GSTO2: variants seen among roughly 807,000 people sequenced by gnomAD.
The protein encoded by GSTO2 is glutathione S-transferase omega 2.
GSTO2 carries 23 observed loss-of-function variants against 28.4 expected under a neutral mutation model. The observed-to-expected ratio is 0.81, with a 90% CI of 0.58 to 1.15. GSTO2 has a LOEUF of 1.15. GSTO2 is among the 50% of genes most tolerant of loss of function. The pLI, the probability that GSTO2 is intolerant of heterozygous loss-of-function variation, is 0.00. For synonymous variants in GSTO2, 109 were observed against 111.0 expected, an observed-to-expected ratio of 0.98 and a Z score of 0.11; for missense variants, 298 against 297.8, an observed-to-expected ratio of 1.00 and a Z score of 0.00.
At position 104,299,176 on chromosome 10, in the gene GSTO2, G is replaced by A. The variant is rs938478531; in HGVS notation, c.624G>A (p.Lys208=). 6.2e-7 allele frequency: 1 copy of A among 1,614,222 alleles called. No individual in the cohort carries two copies. Among genetic ancestry groups the A allele is most frequent in the South Asian group, 1.1e-5 (1 of 91,092 alleles). Residue 208 remains lysine, a synonymous_variant, in exon 7 of 7, where the codon AAG becomes AAA. Coordinates refer to ENST00000338595, the MANE Select transcript of GSTO2 (RefSeq NM_183239.2). ...PALRLWISAM[K]WDPTVCALLM... ...TGCGGCTCTGGATATCAGCCATGAA[G>A]TGGGACCCCACAGTCTGTGCTCTTC...
In GSTO2 at chr10:104,274,705, A is replaced by T; in HGVS notation, c.-211A>T. ...GCCAGCTCCTACTCTCGGGCTTCCA[A>T]ATCTGGGGCGATGTCTCCCCAGGTT... is the stretch of plus-strand genomic sequence containing the variant. On this transcript the variant is annotated 5_prime_UTR_variant, in exon 2 of 7. Coordinates refer to ENST00000338595, the MANE Select transcript of GSTO2 (RefSeq NM_183239.2). 1.7e-6 allele frequency: 1 copy of T among 604,852 alleles called. No homozygotes were observed. The highest frequency in any genetic ancestry group is 2.9e-6 in the Non-Finnish European group (1 of 348,568). The allele number at this position is 604,852 out of a possible 1,614,324, so 37.5% of individuals were successfully genotyped here.
intron 5 of GSTO2, among the ~76,000 whole-genome samples, chr10:104,281,838 C>T (rs1022977723): frequency 7.2e-5 from 11 of 152,104 alleles, no homozygotes; most frequent in African/African-American, 2.7e-4. Flanking sequence ...AGGCTGGAGA[C>T]ATGCATACAA....
In GSTO2 at chr10:104,299,337, T is replaced by G. The variant is rs1348460091; in HGVS notation, c.*53T>G. On this transcript the variant is annotated 3_prime_UTR_variant, in exon 7 of 7. Transcript: ENST00000338595. ...AGAATTCCCCAGCTTGTTGGGAGTC[T>G]ACGTCACGGCTTGTCTTGGGAACCA... 51 of 1,592,794 alleles carry G rather than the reference T, an allele frequency of 3.2e-5. No homozygotes were observed. Among genetic ancestry groups the G allele is most frequent in the Non-Finnish European group, 4.4e-5 (51 of 1,166,406 alleles).
intron 5 of GSTO2, among the ~76,000 whole-genome samples, chr10:104,293,563 A>AT (rs397787244): frequency 0.079 from 6,444 of 81,614 alleles, 797 homozygotes; most frequent in African/African-American, 0.16. Flanking sequence ...CGCCTGGCCA[A>AT]TTTTTTTTTT....
chr10:104,290,889 C>T (rs142029077), intron 5 of GSTO2, among the ~76,000 whole-genome samples: 86 of 152,264 alleles, frequency 5.6e-4, no homozygotes, highest in African/African-American at 2.0e-3. Context: ...ATAACTTAAA[C>T]AGTGTAATTG....
chr10:104,274,830 A>C lies in GSTO2; in HGVS notation c.-86A>C. On this transcript the variant is annotated 5_prime_UTR_variant, in exon 2 of 7. Transcript: ENST00000338595. Reference sequence around the variant, plus strand: ...GGGCAAGGGGTGCGCGCCAGAGCGCAGCTGTTTCTGGAGCCTGCGGCAGCG... The same window carrying C: ...GGGCAAGGGGTGCGCGCCAGAGCGCCGCTGTTTCTGGAGCCTGCGGCAGCG... 3 of 1,502,408 alleles carry C rather than the reference A, an allele frequency of 2.0e-6. No homozygotes were observed. Among genetic ancestry groups the C allele is most frequent in the Non-Finnish European group, 2.7e-6 (3 of 1,098,008 alleles). 93.1% of individuals were successfully genotyped at this position (1,502,408 alleles called of 1,614,324 possible).
intron 5 of GSTO2, among the ~76,000 whole-genome samples, chr10:104,280,172 A>C (rs1325951668): frequency 6.8e-6 from 1 of 147,968 alleles, no homozygotes; most frequent in Admixed American, 7.2e-5. Flanking sequence ...TGACAAAAAA[A>C]AAAAAAAAAA....
chr10:104,300,660 T>C lies in GSTO2; in HGVS notation c.*1376T>C, dbSNP rs1235993318. On this transcript the variant is annotated 3_prime_UTR_variant, in exon 7 of 7. Coordinates refer to ENST00000338595, the MANE Select transcript of GSTO2 (RefSeq NM_183239.2). ...TGGGAGGGGGACCAAGTTTGTCCAATGCTGTTTCATCTCAGTGTCTGAGGA... is the reference window on the plus strand; with the variant it reads ...TGGGAGGGGGACCAAGTTTGTCCAACGCTGTTTCATCTCAGTGTCTGAGGA... 6.6e-6 allele frequency: 1 copy of C among 152,308 alleles called. No individual in the cohort carries two copies. The highest frequency in any genetic ancestry group is 1.5e-5 in the Non-Finnish European group (1 of 68,092). 9.4% of individuals were successfully genotyped at this position (152,308 alleles called of 1,614,324 possible). A position where few individuals can be genotyped will look rare whatever the true frequency, so the allele number is the denominator to read the frequency against.
chr10:104,271,481 G>A (rs1442424329), intron 1 of GSTO2, among the ~76,000 whole-genome samples: 1 of 152,192 alleles, frequency 6.6e-6, no homozygotes, highest in African/African-American at 2.4e-5. Flanking sequence ...TCATAAAGTA[G>A]GTATTATTGG....
intron 1 of GSTO2, among the ~76,000 whole-genome samples, chr10:104,271,697 G>C (rs971004585): frequency 3.9e-5 from 6 of 152,176 alleles, no homozygotes; most frequent in Admixed American, 2.0e-4. Flanking sequence ...TTCAGAACTT[G>C]ATTTCCCACA....
At chr10:104,290,380 C>T (rs539047986) in intron 5 of GSTO2, among the ~76,000 whole-genome samples, 2 of 152,088 alleles carry the variant, frequency 1.3e-5, no homozygotes, top group South Asian at 4.1e-4. Flanking sequence ...TAGTGCATGC[C>T]TGGAATCCCA....
intron 5 of GSTO2, among the ~76,000 whole-genome samples, chr10:104,280,514 T>C (rs998165741): frequency 6.6e-6 from 1 of 152,194 alleles, no homozygotes; most frequent in African/African-American, 2.4e-5. Context: ...TAGAGAAAGC[T>C]GGGAAATACA....
chr10:104,295,457 A>G (rs1405993692), intron 5 of GSTO2: 1 of 152,256 alleles, frequency 6.6e-6, no homozygotes, highest in Non-Finnish European at 1.5e-5. Flanking sequence ...CCTTTCTATC[A>G]GGGATGGATT....
intron 5 of GSTO2, among the ~76,000 whole-genome samples, chr10:104,285,512 C>T (rs2012371824): frequency 6.6e-6 from 1 of 152,308 alleles, no homozygotes; most frequent in South Asian, 2.1e-4. Context: ...TGCAGTGACA[C>T]AATCACGGCT....
In GSTO2 at chr10:104,303,539, G is replaced by T. The variant is rs187035718; in HGVS notation, c.*4255G>T. ...ACCTATGCTCATATTTGTGAGCAAA[G>T]AAATTATGTTAAGTTGGAACTTATA... On this transcript the variant is annotated 3_prime_UTR_variant, in exon 7 of 7. Transcript: ENST00000338595. 6.6e-6 allele frequency: 1 copy of T among 152,180 alleles called. No homozygotes were observed. Among genetic ancestry groups the T allele is most frequent in the Non-Finnish European group, 1.5e-5 (1 of 68,036 alleles). The allele number at this position is 152,180 out of a possible 1,614,324, so 9.4% of individuals were successfully genotyped here.
intron 5 of GSTO2, among the ~76,000 whole-genome samples, chr10:104,282,566 A>AG (rs1418108970): frequency 6.6e-6 from 1 of 150,802 alleles, no homozygotes; most frequent in Non-Finnish European, 1.5e-5. Flanking sequence ...AAAAAAAAAA[A>AG]AAGAAGAAGA....
At chr10:104,277,646 T>C (rs1470066276) in intron 3 of GSTO2, among the ~76,000 whole-genome samples, 1 of 152,238 alleles carries the variant, frequency 6.6e-6, no homozygotes, top group East Asian at 1.9e-4. Context: ...TGAGTCTTCT[T>C]TCCTATGAGG....
intron 5 of GSTO2, among the ~76,000 whole-genome samples, chr10:104,287,370 C>G (rs947749512): frequency 9.9e-5 from 15 of 152,186 alleles, no homozygotes; most frequent in African/African-American, 3.6e-4. Context: ...TTTATAAACT[C>G]TGTAAATGCT....
Position 104,299,424 on chromosome 10 carries a change from C to A in GSTO2, c.*140C>A. 2 of 984,548 alleles carry A rather than the reference C, an allele frequency of 2.0e-6. No homozygotes were observed. Among genetic ancestry groups the A allele is most frequent in the Non-Finnish European group, 3.1e-6 (2 of 653,320 alleles). The allele number at this position is 984,548 out of a possible 1,614,324, so 61.0% of individuals were successfully genotyped here. On this transcript the variant is annotated 3_prime_UTR_variant, in exon 7 of 7. Transcript: ENST00000338595. Reference sequence around the variant, plus strand: ...AAATGAAAACAGGAAATGTATTCTTCTGATAATCATTTGTCTGACTCCTCT... The same window carrying A: ...AAATGAAAACAGGAAATGTATTCTTATGATAATCATTTGTCTGACTCCTCT...
Sources: gnomAD v4.1 joint callset for allele counts (sites outside exome capture counted in the v4.1 genomes callset) on GRCh38, gnomAD v4.1.1 for gene constraint, MANE v1.5 for transcripts, NCBI Gene and HGNC (gene_info 2026-07-23, HGNC 2026-07-21) for gene names.